The following NFXL1 variants were observed in gnomAD, a reference collection of about 807,000 sequenced individuals.
The protein encoded by NFXL1 is NF-X1-type zinc finger protein NFXL1.
NFXL1 carries 66 observed loss-of-function variants against 123.3 expected under a neutral mutation model. The observed-to-expected ratio is 0.54, with a 90% CI of 0.44 to 0.66. NFXL1 has a LOEUF of 0.66. NFXL1 is among the 30% of genes least tolerant of loss of function. The probability of loss-of-function intolerance (pLI) is 0.00; values close to 1 mark genes in which losing one functional copy is unlikely to be tolerated. For synonymous variants in NFXL1, 346 were observed against 360.8 expected (o/e 0.96, Z 0.46); for missense variants, 944 against 1,125.6 (o/e 0.84, Z 2.31).
rs758950601 is a variant in NFXL1, at chr4:47,914,175, C to G, written c.29G>C (p.Gly10Ala). 6.6e-7 allele frequency: 1 copy of G among 1,526,620 alleles called. No individual in the cohort carries two copies. The highest frequency in any genetic ancestry group is 1.2e-5 in the South Asian group (1 of 83,214). The allele number at this position is 1,526,620 out of a possible 1,614,324, so 94.6% of individuals were successfully genotyped here. A position where few individuals can be genotyped will look rare whatever the true frequency, so the allele number is the denominator to read the frequency against. Residue 10 changes from glycine (G) to alanine (A), a missense_variant, in exon 2 of 23, where the codon GGT (glycine) becomes GCT (alanine). Gly to Ala is a moderately conservative substitution (Grantham distance 60). Transcript: ENST00000507489. MEASWRQVAGGRGRSRGRAT... is the reference protein window; with the variant it reads MEASWRQVAAGRGRSRGRAT... ...CCGTCCCCGGGATCGGCCTCGGCCA[C>G]CGGCCACCTGGCGCCAGGAAGCTTC...
intron 19 of NFXL1, among the ~76,000 whole-genome samples, chr4:47,857,581 GCTAGGTCTTCTGC>G (rs1434339933): frequency 1.3e-5 from 2 of 152,058 alleles, no homozygotes; most frequent in African/African-American, 4.8e-5. Context: ...CTTTTCTCTG[GCTAGGTCTTCTGC>G]CTTCAATAAA....
At position 47,855,058 on chromosome 4, in the gene NFXL1, C is replaced by A; in HGVS notation, c.2421+1G>T. On this transcript the variant is annotated splice_donor_variant, in intron 20 of 22. Coordinates refer to ENST00000507489, the MANE Select transcript of NFXL1 (RefSeq NM_001278624.2). LOFTEE classifies it high-confidence loss of function. Reference sequence around the variant, plus strand: ...TATTTTCAATAACTTAAAATATTTACCTTTTTTATTCTTTTACAAGGACAT... The same window carrying A: ...TATTTTCAATAACTTAAAATATTTAACTTTTTTATTCTTTTACAAGGACAT... 7.6e-7 allele frequency: 1 copy of A among 1,308,816 alleles called. No individual in the cohort carries two copies. Among genetic ancestry groups the A allele is most frequent in the South Asian group, 1.3e-5 (1 of 74,084 alleles). 81.1% of individuals were successfully genotyped at this position (1,308,816 alleles called of 1,614,324 possible).
intron 10 of NFXL1, among the ~76,000 whole-genome samples, chr4:47,896,308 C>T (rs773323569): frequency 2.0e-5 from 3 of 152,130 alleles, no homozygotes; most frequent in South Asian, 2.1e-4. Context: ...TTATTAAAAA[C>T]GCAGTATTGG....
chr4:47,895,584 T>C (rs558395782), intron 10 of NFXL1, among the ~76,000 whole-genome samples: 2 of 152,334 alleles, frequency 1.3e-5, no homozygotes, highest in Admixed American at 1.3e-4. Context: ...ACTTTTCTTG[T>C]GCAGCTTCCT....
chr4:47,891,891 C>G (rs1736791904), intron 11 of NFXL1, among the ~76,000 whole-genome samples: 1 of 149,606 alleles, frequency 6.7e-6, no homozygotes, highest in Non-Finnish European at 1.5e-5. Context: ...GAGCCGAGAT[C>G]ACACCACTGC....
intron 17 of NFXL1, among the ~76,000 whole-genome samples, chr4:47,878,133 G>C (rs1374352888): frequency 6.6e-6 from 1 of 152,032 alleles, no homozygotes; most frequent in Non-Finnish European, 1.5e-5. Context: ...TCCATCCTGT[G>C]TGTCAGGTTT....
At chr4:47,871,533 T>C (rs923632422) in intron 18 of NFXL1, among the ~76,000 whole-genome samples, 17 of 152,154 alleles carry the variant, frequency 1.1e-4, no homozygotes, top group African/African-American at 3.4e-4. Context: ...TCAAATGTTA[T>C]CGTAGTAACA....
At chr4:47,855,762 A>G (rs1213003608) in intron 19 of NFXL1, among the ~76,000 whole-genome samples, 1 of 152,124 alleles carries the variant, frequency 6.6e-6, no homozygotes, top group Non-Finnish European at 1.5e-5. Flanking sequence ...CCTTTCTACT[A>G]ATATTAAAAA....
At chr4:47,897,352 G>T (rs2352145) in intron 9 of NFXL1, among the ~76,000 whole-genome samples, 111,668 of 152,052 alleles carry the variant, frequency 0.73, 41,246 homozygotes, top group South Asian at 0.76. Context: ...AAATTCACCT[G>T]TAACATAAAC....
At position 47,898,738 on chromosome 4, in the gene NFXL1, A is replaced by G. The variant is rs769989743; in HGVS notation, c.1089+19T>C. 2.5e-5 allele frequency: 37 copies of G among 1,461,604 alleles called. No homozygotes were observed. The highest frequency in any genetic ancestry group is 3.5e-5 in the Non-Finnish European group (36 of 1,041,388). The allele number at this position is 1,461,604 out of a possible 1,614,324, so 90.5% of individuals were successfully genotyped here. ...CTGTACTCTTTAATACCCACCCCTC[A>G]AAATGCATATAAACTTACTTGATCA... On this transcript the variant is annotated intron_variant, in intron 8 of 22. Coordinates refer to ENST00000507489, the MANE Select transcript of NFXL1 (RefSeq NM_001278624.2).
chr4:47,894,530 T>C (rs1318756250), intron 10 of NFXL1, among the ~76,000 whole-genome samples: 1 of 144,942 alleles, frequency 6.9e-6, no homozygotes, highest in Non-Finnish European at 1.5e-5. Flanking sequence ...AAAACTGATA[T>C]TGAATAGTTA....
intron 5 of NFXL1, among the ~76,000 whole-genome samples, chr4:47,900,985 T>G (rs1737332882): frequency 6.6e-6 from 1 of 152,132 alleles, no homozygotes; most frequent in Non-Finnish European, 1.5e-5. Context: ...GGATATGTAT[T>G]TTTAATAAGC....
intron 19 of NFXL1, among the ~76,000 whole-genome samples, chr4:47,856,168 C>T (rs562304290): frequency 6.6e-6 from 1 of 152,200 alleles, no homozygotes; most frequent in South Asian, 2.1e-4. Flanking sequence ...TCCCAGATTA[C>T]CTGTTTACTA....
At chr4:47,899,707 C>A (rs934610292) in intron 5 of NFXL1, among the ~76,000 whole-genome samples, 159 bp from the exon 6 acceptor site, 1 of 152,178 alleles carries the variant, frequency 6.6e-6, no homozygotes, top group African/African-American at 2.4e-5. Context: ...TTATTAAAAT[C>A]TATTTCAACC....
intron 20 of NFXL1, among the ~76,000 whole-genome samples, chr4:47,852,609 C>T (rs1734186588): frequency 1.3e-5 from 2 of 151,964 alleles, no homozygotes; most frequent in Admixed American, 1.3e-4. Flanking sequence ...CACTTCACTA[C>T]CTCCTTAATG....
At chr4:47,913,832 G>A (rs961688565) in intron 2 of NFXL1, 137 bp downstream of exon 2, 3 of 562,946 alleles carry the variant, frequency 5.3e-6, no homozygotes, top group African/African-American at 1.9e-5. Context: ...CCGAAAGGCT[G>A]GAGAAGTGGG....
intron 12 of NFXL1, among the ~76,000 whole-genome samples, chr4:47,890,046 T>TA (rs1182223073): frequency 6.6e-6 from 1 of 151,960 alleles, no homozygotes; most frequent in African/African-American, 2.4e-5. Context: ...CTGCTATTTT[T>TA]AAAAAATAAT....
chr4:47,871,570 G>T lies in NFXL1; in HGVS notation c.2246+3557C>A, dbSNP rs573066863. Among the ~76,000 whole-genome samples the T allele has an allele frequency of 2.0e-4, 30 of 152,224 alleles. 1 individual carries two copies. The highest frequency in any genetic ancestry group is 3.4e-3 in the Middle Eastern group (1 of 294). The stretch of plus-strand genomic sequence containing the variant: ...CTCATTTACAACAGAATCATCAATG[G>T]ATGCTAAAATTCGTGGGTGAAAGTT... On this transcript the variant is annotated intron_variant, in intron 18 of 22. Transcript: ENST00000507489.
chr4:47,885,337 A>C (rs1329935286), intron 14 of NFXL1, among the ~76,000 whole-genome samples, 161 bp downstream of exon 14: 1 of 152,144 alleles, frequency 6.6e-6, no homozygotes, highest in Non-Finnish European at 1.5e-5. Flanking sequence ...CTACACTGTG[A>C]GTTGCTTAAA....
Sources: gnomAD v4.1 joint callset for allele counts (sites outside exome capture counted in the v4.1 genomes callset) on GRCh38, gnomAD v4.1.1 for gene constraint, MANE v1.5 for transcripts, NCBI Gene and HGNC (gene_info 2026-07-23, HGNC 2026-07-21) for gene names.